PDIA5: variants seen among roughly 807,000 people sequenced by gnomAD.
The protein encoded by PDIA5 is protein disulfide-isomerase A5.
In PDIA5, 58 loss-of-function variants were observed where a neutral mutation model predicts 77.6. The ratio of observed to expected loss-of-function variants is 0.75; its 90% CI spans 0.61 to 0.93. The LOEUF is 0.93. PDIA5 is among the 40% of genes least tolerant of loss of function. The pLI is 0.00. For synonymous variants in PDIA5, 250 were observed against 252.1 expected, an observed-to-expected ratio of 0.99 and a Z score of 0.08; for missense variants, 630 against 647.7, an observed-to-expected ratio of 0.97 and a Z score of 0.30.
At chr3:123,110,626 C>A (rs978357202) in intron 6 of PDIA5, among the ~76,000 whole-genome samples, 1 of 152,192 alleles carries the variant, frequency 6.6e-6, no homozygotes, top group Non-Finnish European at 1.5e-5. Flanking sequence ...GAAAGGAAAG[C>A]CAGCAGCCTG....
At chr3:123,121,480 A>G (rs1935118259) in intron 8 of PDIA5, among the ~76,000 whole-genome samples, 1 of 152,236 alleles carries the variant, frequency 6.6e-6, no homozygotes, top group African/African-American at 2.4e-5. Context: ...AGTTTTTCAA[A>G]AATTTTTGCC....
chr3:123,154,948 T>C (rs375142938), intron 14 of PDIA5, 23 bp from the exon 15 acceptor site: 98 of 1,540,238 alleles, frequency 6.4e-5, no homozygotes, highest in Non-Finnish European at 8.4e-5. Flanking sequence ...CAGTCCTGTG[T>C]GCTCTCTTCC....
chr3:123,072,961 T>C (rs1278253284), intron 1 of PDIA5, among the ~76,000 whole-genome samples: 1 of 149,856 alleles, frequency 6.7e-6, no homozygotes, highest in African/African-American at 2.4e-5. Flanking sequence ...GTTGTTGTTT[T>C]TAACACCTGG....
chr3:123,075,110 A>G (rs1933818776), intron 1 of PDIA5, among the ~76,000 whole-genome samples: 1 of 152,236 alleles, frequency 6.6e-6, no homozygotes, highest in African/African-American at 2.4e-5. Flanking sequence ...TCAGGATTAT[A>G]TCCTCTTTTT....
At chr3:123,113,573 G>A (rs879435752) in intron 7 of PDIA5, among the ~76,000 whole-genome samples, 17 of 152,114 alleles carry the variant, frequency 1.1e-4, no homozygotes, top group East Asian at 1.9e-4. Context: ...AAGGAACCTC[G>A]GGACCCTTTT....
At chr3:123,145,614 C>G in intron 12 of PDIA5, 22 bp downstream of exon 12, 4 of 1,574,990 alleles carry the variant, frequency 2.5e-6, no homozygotes, top group Non-Finnish European at 3.5e-6. Context: ...TTCCTTCCCC[C>G]TCACCGTTCT....
At chr3:123,106,891 C>A in intron 6 of PDIA5, 50 bp downstream of exon 6, 1 of 1,247,434 alleles carries the variant, frequency 8.0e-7, no homozygotes, top group Non-Finnish European at 1.2e-6. Context: ...TTCCCTGGTA[C>A]CAGGGCCTCC....
chr3:123,153,291 C>G (rs954052184), intron 14 of PDIA5, among the ~76,000 whole-genome samples: 1 of 152,280 alleles, frequency 6.6e-6, no homozygotes, highest in Admixed American at 6.5e-5. Context: ...TTTCGCCAGC[C>G]TAATGCTATT....
chr3:123,135,349 C>T (rs1246057048), intron 11 of PDIA5, among the ~76,000 whole-genome samples: 4 of 152,172 alleles, frequency 2.6e-5, no homozygotes, highest in African/African-American at 9.7e-5. Context: ...GGCCTGTGGA[C>T]ACCCATGCAG....
intron 1 of PDIA5, among the ~76,000 whole-genome samples, chr3:123,072,912 C>CTGTGTGTGTGTGTGTGTGTGTGTGTG (rs66567660): frequency 0.012 from 1,787 of 146,858 alleles, 52 homozygotes; most frequent in African/African-American, 0.032. Context: ...ACCTCTCCTT[C>CTGTGTGTGTGTGTGTGTGTGTGTGTG]TGTGTGTGTG....
intron 11 of PDIA5, among the ~76,000 whole-genome samples, chr3:123,139,301 G>A (rs888543505): frequency 2.0e-5 from 3 of 152,182 alleles, no homozygotes; most frequent in Non-Finnish European, 4.4e-5. Context: ...CTGGTCCTCA[G>A]GTCACCGCCA....
intron 11 of PDIA5, among the ~76,000 whole-genome samples, chr3:123,138,831 G>A (rs1272622848): frequency 6.6e-6 from 1 of 152,116 alleles, no homozygotes. Context: ...TCCAAGCAAG[G>A]CAGGAACCAG....
At position 123,094,544 on chromosome 3, in the gene PDIA5, T is replaced by C. The variant is rs534989521; in HGVS notation, c.257+2102T>C. ...AAACTTGCCTGTAATCATCAGGGCA[T>C]GGGGAGCCCCCGTGTCAGCTCCACA... On this transcript the variant is annotated intron_variant, in intron 3 of 16. Transcript: ENST00000316218. Among the ~76,000 whole-genome samples the C allele has an allele frequency of 8.5e-5, 13 of 152,338 alleles. No homozygotes were observed. The South Asian group carries it at 2.7e-3, about 32-fold the overall frequency.
chr3:123,083,201 G>A (rs1257521670), intron 1 of PDIA5, among the ~76,000 whole-genome samples: 1 of 150,180 alleles, frequency 6.7e-6, no homozygotes, highest in African/African-American at 2.5e-5. Flanking sequence ...GAAGGGAACT[G>A]GTGCTCGGGG....
At chr3:123,116,195 G>C (rs1334270069) in intron 7 of PDIA5, 36 bp from the exon 8 acceptor site, 1 of 1,585,440 alleles carries the variant, frequency 6.3e-7, no homozygotes, top group Non-Finnish European at 8.7e-7. Flanking sequence ...AGCCATCCCT[G>C]TAACCGGATG....
chr3:123,159,002 A>G (rs116439653), intron 15 of PDIA5, among the ~76,000 whole-genome samples: 1 of 152,216 alleles, frequency 6.6e-6, no homozygotes, highest in Non-Finnish European at 1.5e-5. Flanking sequence ...GTTGCATTCC[A>G]TGTGTGCGGC....
At chr3:123,132,359 A>G (rs902263293) in intron 11 of PDIA5, among the ~76,000 whole-genome samples, 1 of 152,170 alleles carries the variant, frequency 6.6e-6, no homozygotes, top group African/African-American at 2.4e-5. Context: ...CTAACTCATT[A>G]TTTCTTACAA....
intron 11 of PDIA5, among the ~76,000 whole-genome samples, chr3:123,143,079 C>G (rs1440407735): frequency 6.6e-6 from 1 of 152,072 alleles, no homozygotes; most frequent in Non-Finnish European, 1.5e-5. Flanking sequence ...AACCTCAGGT[C>G]CCACCTTTAG....
chr3:123,116,156 T>C lies in PDIA5; in HGVS notation c.542-75T>C, dbSNP rs181754925. 258 of 1,186,684 alleles carry C rather than the reference T, an allele frequency of 2.2e-4. 2 individuals are homozygous for C. In the East Asian group the frequency reaches 5.7e-3, roughly 26 times the overall value. The allele number at this position is 1,186,684 out of a possible 1,614,324, so 73.5% of individuals were successfully genotyped here. A position where few individuals can be genotyped will look rare whatever the true frequency, so the allele number is the denominator to read the frequency against. On this transcript the variant is annotated intron_variant, in intron 7 of 16. Coordinates refer to ENST00000316218, the MANE Select transcript of PDIA5 (RefSeq NM_006810.4). ...GTGCTTGTTGGGTAGAGGATGGCCA[T>C]GGGGAGGCAGGGCAGGGTGCAAGGG...
Sources: allele counts gnomAD v4.1 joint callset (sites outside exome capture counted in the v4.1 genomes callset), GRCh38; gene constraint gnomAD v4.1.1; transcripts MANE v1.5; gene names NCBI Gene and HGNC (gene_info 2026-07-23, HGNC 2026-07-21).